FRRS1L: variants seen among roughly 807,000 people sequenced by gnomAD.
The protein encoded by FRRS1L is DOMON domain-containing protein FRRS1L.
A neutral mutation model predicts 28.6 loss-of-function variants in FRRS1L; 22 were observed. That is an observed-to-expected ratio of 0.77 (90% CI 0.55 to 1.10). The LOEUF is 1.10. Ranked by LOEUF, FRRS1L falls within the 50% of genes least tolerant of loss-of-function variation. The pLI, the probability that FRRS1L is intolerant of heterozygous loss-of-function variation, is 0.00. For missense variants in FRRS1L, 380 were observed against 386.9 expected (o/e 0.98, Z 0.15); for synonymous variants, 158 against 151.4 (o/e 1.04, Z -0.32).
rs1335904727 is a variant in FRRS1L at position 109,149,587 on chromosome 9, A to T, written c.323+49T>A. ...ATGCAATTTAAATACTACCCTGAGA[A>T]GTAAATCAGTCTTAGCCTTAAAGTT... On this transcript the variant is annotated intron_variant, in intron 2 of 4. Transcript: ENST00000561981. 3 of 1,227,162 alleles carry T rather than the reference A, an allele frequency of 2.4e-6. No individual in the cohort carries two copies. In the Admixed American group the frequency reaches 5.2e-5, roughly 21 times the overall value. 76.0% of individuals were successfully genotyped at this position (1,227,162 alleles called of 1,614,324 possible).
intron 1 of FRRS1L, among the ~76,000 whole-genome samples, chr9:109,156,051 C>T (rs1401752294): frequency 6.6e-6 from 1 of 152,164 alleles, no homozygotes; most frequent in Admixed American, 6.5e-5. Context: ...ACATGATTCA[C>T]AGAATCAAAA....
chr9:109,165,324 C>A (rs1447718877), intron 1 of FRRS1L, among the ~76,000 whole-genome samples: 10 of 152,190 alleles, frequency 6.6e-5, no homozygotes, highest in Admixed American at 6.5e-4. Context: ...TAACTACTTG[C>A]CCTGAACTTC....
chr9:109,166,967 GC>G lies in FRRS1L; in HGVS notation c.171del (p.Arg58AlafsTer70). 1 of 1,334,508 alleles carries G rather than the reference GC, an allele frequency of 7.5e-7. No individual in the cohort carries two copies. The highest frequency in any genetic ancestry group is 9.7e-7 in the Non-Finnish European group (1 of 1,034,100). The allele number at this position is 1,334,508 out of a possible 1,614,324, so 82.7% of individuals were successfully genotyped here. ...AAGGTGCCGTAGGAGGAGTCGTGGC[GC>G]GGCACCGCCTCGTCGGCGCCCGTGT... ...RGDTGADEAV[P>X]RHDSSYGTFA... is the part of the protein sequence containing the mutation. On this transcript the variant is annotated frameshift_variant, in exon 1 of 5. Transcript: ENST00000561981. LOFTEE classifies it high-confidence loss of function.
chr9:109,150,675 GTCTA>G (rs1253407469), intron 1 of FRRS1L: 2 of 152,138 alleles, frequency 1.3e-5, no homozygotes, highest in East Asian at 3.8e-4. Flanking sequence ...TCTAACAGTT[GTCTA>G]TCTTTCTTAT....
chr9:109,156,609 T>G (rs1434480856), intron 1 of FRRS1L, among the ~76,000 whole-genome samples: 1 of 151,576 alleles, frequency 6.6e-6, no homozygotes, highest in Non-Finnish European at 1.5e-5. Flanking sequence ...CAGGATGGTC[T>G]CAATCCCCTG....
chr9:109,162,053 C>T (rs1011961050), intron 1 of FRRS1L, among the ~76,000 whole-genome samples: 17 of 152,180 alleles, frequency 1.1e-4, no homozygotes, highest in Non-Finnish European at 2.5e-4. Flanking sequence ...TGGTGGCTCA[C>T]GCATGTAATT....
In FRRS1L at chr9:109,134,870, A is replaced by G. The variant is rs1485926224; in HGVS notation, c.*2585T>C. 1 of 152,220 alleles carries G rather than the reference A, an allele frequency of 6.6e-6. No homozygotes were observed. The highest frequency in any genetic ancestry group is 2.1e-4 in the South Asian group (1 of 4,828). The allele number at this position is 152,220 out of a possible 1,614,324, so 9.4% of individuals were successfully genotyped here. On this transcript the variant is annotated 3_prime_UTR_variant, in exon 5 of 5. Coordinates refer to ENST00000561981, the MANE Select transcript of FRRS1L (RefSeq NM_014334.4). ...ACAACATGGCTGCCTGCATATCAGT[A>G]TCTTCACTACTAAACAGCCACTAGA...
Position 109,131,374 on chromosome 9 carries a change from A to T in FRRS1L, c.*6081T>A, listed in dbSNP as rs962905074. The T allele has an allele frequency of 2.6e-5, 4 of 152,218 alleles. No homozygotes were observed. The highest frequency in any genetic ancestry group is 9.6e-5 in the African/African-American group (4 of 41,462). The allele number at this position is 152,218 out of a possible 1,614,324, so 9.4% of individuals were successfully genotyped here. A position where few individuals can be genotyped will look rare whatever the true frequency, so the allele number is the denominator to read the frequency against. ...CTACAAACTACATTGCTATAAACTCAAGCATAGTTTTGCCTGTAATATGCA... is the reference window on the plus strand; with the variant it reads ...CTACAAACTACATTGCTATAAACTCTAGCATAGTTTTGCCTGTAATATGCA... On this transcript the variant is annotated 3_prime_UTR_variant, in exon 5 of 5. Transcript: ENST00000561981.
intron 4 of FRRS1L, chr9:109,138,195 ATGTGTGTCTG>A (rs1297575485): frequency 2.6e-5 from 4 of 152,200 alleles, no homozygotes; most frequent in South Asian, 4.1e-4. Flanking sequence ...GGTATACTGG[ATGTGTGTCTG>A]TGTGTGTCTG....
At chr9:109,140,825 C>G (rs941382392) in intron 4 of FRRS1L, 2 of 154,698 alleles carry the variant, frequency 1.3e-5, no homozygotes, top group Non-Finnish European at 2.9e-5. Context: ...GCATGAGCCA[C>G]CACGTCTGGC....
chr9:109,160,784 A>C (rs775680287), intron 1 of FRRS1L, among the ~76,000 whole-genome samples: 5 of 143,670 alleles, frequency 3.5e-5, no homozygotes, highest in Non-Finnish European at 6.0e-5. Context: ...CTTTCTGAGA[A>C]AGAAATCTTT....
chr9:109,155,910 T>C (rs1831398008), intron 1 of FRRS1L, among the ~76,000 whole-genome samples: 4 of 149,012 alleles, frequency 2.7e-5, no homozygotes, highest in South Asian at 2.1e-4. Flanking sequence ...ACCCACTGCA[T>C]TGCACATTTT....
intron 3 of FRRS1L, among the ~76,000 whole-genome samples, chr9:109,142,088 C>T (rs538492380): frequency 1.3e-5 from 2 of 152,012 alleles, no homozygotes; most frequent in Admixed American, 6.5e-5. Flanking sequence ...GGACAAGTAG[C>T]AACATATGAA....
Position 109,167,108 on chromosome 9 carries a change from C to A in FRRS1L, c.31G>T (p.Val11Phe). 1 of 1,173,902 alleles carries A rather than the reference C, an allele frequency of 8.5e-7. No individual in the cohort carries two copies. The highest frequency in any genetic ancestry group is 1.1e-6 in the Non-Finnish European group (1 of 952,280). The allele number at this position is 1,173,902 out of a possible 1,614,324, so 72.7% of individuals were successfully genotyped here. Residue 11 changes from valine to phenylalanine, a missense_variant, in exon 1 of 5, where the codon GTC (valine) becomes TTC (phenylalanine). Physicochemically the swap from Val to Phe is conservative, Grantham distance 50. Transcript: ENST00000561981. ...AGCAGCAGGAGCAGCGACGCCCAGACCCCCGGGTGCTGCCGGGGCGGCCGC... is the reference window on the plus strand; with the variant it reads ...AGCAGCAGGAGCAGCGACGCCCAGAACCCCGGGTGCTGCCGGGGCGGCCGC... MARPPRQHPG[V>F]WASLLLLLLT...
At chr9:109,162,125 G>A (rs113553304) in intron 1 of FRRS1L, among the ~76,000 whole-genome samples, 8,466 of 152,236 alleles carry the variant, frequency 0.056, 377 homozygotes, top group Admixed American at 0.13. Flanking sequence ...AGATCAGCCC[G>A]GTCAACAGGG....
chr9:109,165,573 C>G (rs1271847394), intron 1 of FRRS1L, among the ~76,000 whole-genome samples: 1 of 152,208 alleles, frequency 6.6e-6, no homozygotes, highest in South Asian at 2.1e-4. Context: ...AGCAGTTAAG[C>G]CTCTACTTAA....
intron 1 of FRRS1L, among the ~76,000 whole-genome samples, chr9:109,165,729 A>G (rs1831540442): frequency 6.6e-6 from 1 of 152,228 alleles, no homozygotes; most frequent in South Asian, 2.1e-4. Context: ...TTGTGGCCAA[A>G]GAAGTATAAA....
chr9:109,149,884 T>G (rs1831310306), intron 1 of FRRS1L, 164 bp from the exon 2 acceptor site: 1 of 608,076 alleles, frequency 1.6e-6, no homozygotes, highest in Admixed American at 2.8e-5. Context: ...TGGGGGAGGG[T>G]GTAGGACACA....
intron 3 of FRRS1L, among the ~76,000 whole-genome samples, chr9:109,145,732 A>T (rs188408510): frequency 5.3e-5 from 8 of 152,032 alleles, no homozygotes; most frequent in Admixed American, 1.3e-4. Context: ...AAAAAACCCA[A>T]AAGGACAGGG....
Sources: allele counts gnomAD v4.1 joint callset (sites outside exome capture counted in the v4.1 genomes callset), GRCh38; gene constraint gnomAD v4.1.1; transcripts MANE v1.5; gene names NCBI Gene and HGNC (gene_info 2026-07-23, HGNC 2026-07-21).